The following IPO8 variants were observed in gnomAD, a reference collection of about 807,000 sequenced individuals.
IPO8 encodes the protein importin-8.
A neutral mutation model predicts 141.2 loss-of-function variants in IPO8; 65 were observed. The ratio of observed to expected loss-of-function variants is 0.46; its 90% CI spans 0.38 to 0.57. The LOEUF (loss-of-function observed/expected upper bound fraction) is 0.57. Ranked by LOEUF, IPO8 falls within the 20% of genes least tolerant of loss-of-function variation. IPO8 has a pLI of 0.00. For synonymous variants in IPO8, 411 were observed against 420.3 expected, an observed-to-expected ratio of 0.98 and a Z score of 0.27; for missense variants, 980 against 1,246.8, an observed-to-expected ratio of 0.79 and a Z score of 3.22.
At chr12:30,634,004 G>A (rs1402044632) in intron 23 of IPO8, 79 bp downstream of exon 23, 9 of 1,334,754 alleles carry the variant, frequency 6.7e-6, no homozygotes, top group African/African-American at 5.9e-5. Context: ...CCAATCTTGG[G>A]CAAATATCAA....
chr12:30,677,166 C>T, intron 5 of IPO8: 4 of 1,103,614 alleles, frequency 3.6e-6, no homozygotes, highest in Non-Finnish European at 5.1e-6. Context: ...AGCTTACACT[C>T]TAACTGGAAA....
chr12:30,640,052 C>A (rs992780664), intron 20 of IPO8, among the ~76,000 whole-genome samples: 3 of 152,106 alleles, frequency 2.0e-5, no homozygotes, highest in African/African-American at 7.2e-5. Flanking sequence ...CAGCCACTTG[C>A]ACATCTAAGG....
Position 30,669,275 on chromosome 12 carries a change from G to T in IPO8, c.1052C>A (p.Ser351Tyr). Residue 351 changes from serine to tyrosine, a missense_variant, in exon 10 of 25, where the codon TCT becomes TAT. Physicochemically the swap from Ser to Tyr is moderately radical, Grantham distance 144. Coordinates refer to ENST00000256079, the MANE Select transcript of IPO8 (RefSeq NM_006390.4). Reference sequence around the variant, plus strand: ...CATCACAGAAAAAATCACATCTTCAGAGATATTCTAAAATGAGAAAAAAAA... The same window carrying T: ...CATCACAGAAAAAATCACATCTTCATAGATATTCTAAAATGAGAAAAAAAA... ...KQMKPHIQNI[S>Y]EDVIFSVMCY... 1.3e-6 allele frequency: 2 copies of T among 1,498,660 alleles called. No homozygotes were observed. The highest frequency in any genetic ancestry group is 1.8e-6 in the Non-Finnish European group (2 of 1,101,776). The allele number at this position is 1,498,660 out of a possible 1,614,324, so 92.8% of individuals were successfully genotyped here.
chr12:30,692,722 T>C (rs922535091), intron 1 of IPO8, among the ~76,000 whole-genome samples: 1 of 152,148 alleles, frequency 6.6e-6, no homozygotes, highest in Non-Finnish European at 1.5e-5. Flanking sequence ...TCTGAACCGA[T>C]ATTCCCTCTC....
chr12:30,665,433 A>C, intron 12 of IPO8, 124 bp from the exon 13 acceptor site: 1 of 677,260 alleles, frequency 1.5e-6, no homozygotes, highest in Non-Finnish European at 2.6e-6. Flanking sequence ...TATTTGACCT[A>C]TATATTGCAT....
intron 17 of IPO8, among the ~76,000 whole-genome samples, chr12:30,654,351 A>C (rs2052769124): frequency 6.7e-6 from 1 of 150,290 alleles, no homozygotes; most frequent in South Asian, 2.1e-4. Context: ...CAAAGCACAC[A>C]CAACAAAAGC....
intron 16 of IPO8, among the ~76,000 whole-genome samples, chr12:30,657,404 T>C (rs1185185069): frequency 6.6e-6 from 1 of 152,202 alleles, no homozygotes; most frequent in African/African-American, 2.4e-5. Flanking sequence ...ATCACAATTA[T>C]GGGGCTGGGA....
At chr12:30,652,118 GAA>G in intron 19 of IPO8, 72 bp downstream of exon 19, 1 of 777,756 alleles carries the variant, frequency 1.3e-6, no homozygotes, top group Non-Finnish European at 2.1e-6. Flanking sequence ...GAAACAAACT[GAA>G]AAAGTATCCT....
At chr12:30,667,696 G>T (rs998885004) in intron 10 of IPO8, among the ~76,000 whole-genome samples, 12 of 152,106 alleles carry the variant, frequency 7.9e-5, no homozygotes, top group Non-Finnish European at 1.8e-4. Flanking sequence ...ACCCATATCC[G>T]CTTTTAAACA....
chr12:30,691,484 C>A (rs2053290647), intron 1 of IPO8, among the ~76,000 whole-genome samples: 1 of 152,056 alleles, frequency 6.6e-6, no homozygotes, highest in Non-Finnish European at 1.5e-5. Context: ...ACCTTCAAAG[C>A]AAAAAAATAC....
At chr12:30,672,170 T>C (rs1457671294) in intron 8 of IPO8, among the ~76,000 whole-genome samples, 1 of 152,166 alleles carries the variant, frequency 6.6e-6, no homozygotes, top group Non-Finnish European at 1.5e-5. Flanking sequence ...CAATTCCTGG[T>C]CTCCAGAGCT....
rs967437922 is a variant in IPO8, at chr12:30,666,315, C to G, written c.1145-64G>C. On this transcript the variant is annotated intron_variant, in intron 10 of 24. Transcript: ENST00000256079. ...ATAATTACTTATTCTAGATTTTAAA[C>G]CTGACTGACCGCTATTCCAAACCAA... 4.1e-6 allele frequency: 5 copies of G among 1,218,110 alleles called. No individual in the cohort carries two copies. The African/African-American group carries it at 6.2e-5, about 15-fold the overall frequency. The allele number at this position is 1,218,110 out of a possible 1,614,324, so 75.5% of individuals were successfully genotyped here. A position where few individuals can be genotyped will look rare whatever the true frequency, so the allele number is the denominator to read the frequency against.
intron 4 of IPO8, among the ~76,000 whole-genome samples, chr12:30,680,975 T>C (rs2053183338): frequency 6.6e-6 from 1 of 152,164 alleles, no homozygotes; most frequent in Non-Finnish European, 1.5e-5. Context: ...TGCTATGCTA[T>C]TTTAAATAGA....
intron 2 of IPO8, among the ~76,000 whole-genome samples, chr12:30,684,913 T>C (rs2053224839): frequency 6.6e-6 from 1 of 152,150 alleles, no homozygotes; most frequent in South Asian, 2.1e-4. Context: ...TCATCCAACC[T>C]TTTTGAAATA....
intron 2 of IPO8, among the ~76,000 whole-genome samples, chr12:30,686,060 G>T (rs1055064628): frequency 6.6e-6 from 1 of 152,140 alleles, no homozygotes; most frequent in African/African-American, 2.4e-5. Flanking sequence ...AGTAGCTAAA[G>T]TTCTGAAAAA....
At chr12:30,641,289 C>G (rs1200004280) in intron 20 of IPO8, among the ~76,000 whole-genome samples, 1 of 151,936 alleles carries the variant, frequency 6.6e-6, no homozygotes, top group Non-Finnish European at 1.5e-5. Flanking sequence ...CCTAAGAAGG[C>G]AAGGAGAGAA....
In IPO8 at chr12:30,629,475, T is replaced by C. The variant is rs1281714411; in HGVS notation, c.*1385A>G. 2.0e-5 allele frequency: 3 copies of C among 152,166 alleles called. No homozygotes were observed. Among genetic ancestry groups the C allele is most frequent in the Non-Finnish European group, 4.4e-5 (3 of 68,026 alleles). 9.4% of individuals were successfully genotyped at this position (152,166 alleles called of 1,614,324 possible). ...CTAAAGAGTTAATATGCATGAGGGA[T>C]GGTAATATAGGAAGCACCTGAAAAA... On this transcript the variant is annotated 3_prime_UTR_variant, in exon 25 of 25. Transcript: ENST00000256079.
chr12:30,639,351 C>G (rs2052546502), intron 21 of IPO8, among the ~76,000 whole-genome samples, 164 bp downstream of exon 21: 1 of 152,144 alleles, frequency 6.6e-6, no homozygotes. Flanking sequence ...CTAGATTACC[C>G]TGCTGAAATG....
In IPO8 at chr12:30,663,500, T is replaced by G. The variant is rs758632766; in HGVS notation, c.1583A>C (p.Asn528Thr). 6.8e-6 allele frequency: 11 copies of G among 1,610,574 alleles called. No homozygotes were observed. Among genetic ancestry groups the G allele is most frequent in the Non-Finnish European group, 8.5e-6 (10 of 1,178,568 alleles). Residue 528 changes from asparagine (N) to threonine (T), a missense_variant, in exon 14 of 25, where the codon AAC (asparagine) becomes ACC (threonine). Physicochemically the swap from Asn to Thr is moderately conservative, Grantham distance 65 (BLOSUM62 0). Transcript: ENST00000256079. ...TATTTTGGCTTTACCTTGTATCTGGTTAGAAATTAAAGACTGAAGAGCAAG... is the reference window on the plus strand; with the variant it reads ...TATTTTGGCTTTACCTTGTATCTGGGTAGAAATTAAAGACTGAAGAGCAAG... ...AALALQSLIS[N>T]QIQAKEYMKP...
Sources: allele counts gnomAD v4.1 joint callset (sites outside exome capture counted in the v4.1 genomes callset), GRCh38; gene constraint gnomAD v4.1.1; transcripts MANE v1.5; gene names NCBI Gene and HGNC (gene_info 2026-07-23, HGNC 2026-07-21).